Variants in HERC2 observed in about 807,000 individuals in gnomAD.
HERC2 encodes the protein HECT and RLD domain containing E3 ubiquitin protein ligase 2.
In HERC2, 102 loss-of-function variants were observed where a neutral mutation model predicts 537.7. That is an observed-to-expected ratio of 0.19 (90% CI 0.16 to 0.22). HERC2 has a LOEUF of 0.22. HERC2 is among the 10% of genes least tolerant of loss of function. HERC2 has a pLI of 1.00. For missense variants in HERC2, 4,236 were observed against 6,198.2 expected (o/e 0.68, Z 10.63); for synonymous variants, 2,224 against 2,466.2 (o/e 0.90, Z 2.91).
chr15:28,275,155 G>GT lies in HERC2; in HGVS notation c.543-151dup, dbSNP rs927244301. The stretch of plus-strand genomic sequence containing the variant: ...TCACAAGTGGATTTTTCGTTTTGTT[G>GT]TTTAACAACTTTCATCAAATGTCTT... On this transcript the variant is annotated intron_variant, in intron 5 of 92. Coordinates refer to ENST00000261609, the MANE Select transcript of HERC2 (RefSeq NM_004667.6). 7 of 481,254 alleles carry GT rather than the reference G, an allele frequency of 1.5e-5. No homozygotes were observed. In the Admixed American group the frequency reaches 2.4e-4, roughly 17 times the overall value. The allele number at this position is 481,254 out of a possible 1,614,324, so 29.8% of individuals were successfully genotyped here.
chr15:28,257,345 G>C (rs2075293542), intron 16 of HERC2, 84 bp from the exon 17 acceptor site: 2 of 1,157,378 alleles, frequency 1.7e-6, no homozygotes, highest in Non-Finnish European at 1.3e-6. Flanking sequence ...GTGTGTGATG[G>C]AGCTGCCTTA....
intron 37 of HERC2, 142 bp from the exon 38 acceptor site, chr15:28,218,813 T>C (rs1900210442): frequency 1.3e-6 from 1 of 747,622 alleles, no homozygotes; most frequent in Non-Finnish European, 2.3e-6. Flanking sequence ...TCACGCAAAA[T>C]TGAAAGTACA....
At chr15:28,155,264 C>T (rs914293889) in intron 69 of HERC2, among the ~76,000 whole-genome samples, 2 of 152,038 alleles carry the variant, frequency 1.3e-5, no homozygotes, top group Admixed American at 1.3e-4. Flanking sequence ...GATTTATAAT[C>T]CTTTGGGTAT....
chr15:28,252,935 T>C (rs990464237), intron 20 of HERC2, among the ~76,000 whole-genome samples: 15 of 152,196 alleles, frequency 9.9e-5, no homozygotes, highest in African/African-American at 3.6e-4. Context: ...AGACCCACCA[T>C]GGTCCCATGA....
At chr15:28,309,654 T>C (rs2076886793) in intron 2 of HERC2, among the ~76,000 whole-genome samples, 1 of 151,948 alleles carries the variant, frequency 6.6e-6, no homozygotes, top group African/African-American at 2.4e-5. Flanking sequence ...ATTCTACCAA[T>C]GAGGACCTGA....
At chr15:28,135,779 A>G in intron 78 of HERC2, 87 bp from the exon 79 acceptor site, 1 of 959,832 alleles carries the variant, frequency 1.0e-6, no homozygotes, top group Non-Finnish European at 1.6e-6. Context: ...TCCATGCTTT[A>G]GACATTTTTA....
Position 28,274,355 on chromosome 15 carries a change from C to T in HERC2, c.736G>A (p.Val246Met), listed in dbSNP as rs1170301654. The T allele has an allele frequency of 1.2e-5, 20 of 1,614,094 alleles. No homozygotes were observed. Among genetic ancestry groups the T allele is most frequent in the Admixed American group, 1.7e-5 (1 of 60,012 alleles). ...PEASLFDESTVSSVWLEVVER... is the reference protein window; with the variant it reads ...PEASLFDESTMSSVWLEVVER... ...ACCACCTCCAGCCACACAGAGGACA[C>T]GGTGCTCTCGTCAAAGAGCGAGGCC... is the stretch of plus-strand genomic sequence containing the variant. The change falls in exon 7 of 93, where the codon GTG becomes ATG. Residue 246 changes from valine (V) to methionine (M), a missense_variant. Transcript: ENST00000261609.
At chr15:28,239,447 C>T (rs1902821280) in intron 23 of HERC2, among the ~76,000 whole-genome samples, 1 of 150,838 alleles carries the variant, frequency 6.6e-6, no homozygotes, top group Admixed American at 6.6e-5. Context: ...AGGGAGGTGG[C>T]AGTTCAAGAA....
intron 2 of HERC2, among the ~76,000 whole-genome samples, chr15:28,306,214 A>G (rs140047493): frequency 0.012 from 1,882 of 152,058 alleles, no homozygotes; most frequent in African/African-American, 0.043. Flanking sequence ...TCAGCTGTAT[A>G]TGGCTTTTAT....
intron 2 of HERC2, among the ~76,000 whole-genome samples, chr15:28,303,615 A>G (rs1053980056): frequency 6.6e-6 from 1 of 152,058 alleles, no homozygotes; most frequent in African/African-American, 2.4e-5. Context: ...TAGGGATTAC[A>G]TTGAACCTGT....
At chr15:28,210,885 T>C in intron 44 of HERC2, 117 bp downstream of exon 44, 1 of 1,057,164 alleles carries the variant, frequency 9.5e-7, no homozygotes, top group Non-Finnish European at 1.5e-6. Flanking sequence ...AGGCCACATG[T>C]CTGTCTTGTA....
Position 28,111,953 on chromosome 15 carries a change from G to A in HERC2, c.14315C>T (p.Ser4772Phe). Residue 4772 changes from serine to phenylalanine, a missense_variant, in exon 93 of 93, where the codon TCC (serine) becomes TTC (phenylalanine). Physicochemically the swap from Ser to Phe is radical, Grantham distance 155 (BLOSUM62 -2). Transcript: ENST00000261609. ...CTTCTCCTCCAGCACCTGCTTGCAG[G>A]AATACCTGGGCAGCTTCAGCAAGAA... is the stretch of plus-strand genomic sequence containing the variant. Reference protein sequence around the residue: ...CFFLLKLPRYSCKQVLEEKLK... With the variant: ...CFFLLKLPRYFCKQVLEEKLK... 6.2e-7 allele frequency: 1 copy of A among 1,614,180 alleles called. No homozygotes were observed. The highest frequency in any genetic ancestry group is 8.5e-7 in the Non-Finnish European group (1 of 1,180,022).
chr15:28,320,392 G>A (rs2077199150), intron 2 of HERC2: 1 of 152,358 alleles, frequency 6.6e-6, no homozygotes, highest in Admixed American at 6.5e-5. Context: ...GGGATTACAG[G>A]CGTGAGCCAC....
intron 4 of HERC2, 142 bp downstream of exon 4, chr15:28,292,746 A>G: frequency 1.2e-6 from 1 of 812,528 alleles, no homozygotes; most frequent in Non-Finnish European, 2.0e-6. Context: ...GTTTTATGGT[A>G]TGTATATTTT....
rs2140151935 is a variant in HERC2, at chr15:28,176,323, A to G, written c.9686+105T>C. 1 of 972,550 alleles carries G rather than the reference A, an allele frequency of 1.0e-6. No homozygotes were observed. The highest frequency in any genetic ancestry group is 1.6e-5 in the African/African-American group (1 of 61,510). The allele number at this position is 972,550 out of a possible 1,614,324, so 60.2% of individuals were successfully genotyped here. On this transcript the variant is annotated intron_variant, in intron 63 of 92. Coordinates refer to ENST00000261609, the MANE Select transcript of HERC2 (RefSeq NM_004667.6). This position sits in a 1 kb window ranked among gnomAD's most constrained non-coding sequence, Gnocchi z 5.0. ...GACAAAGATGCATGCATAAGTAAAA[A>G]GAGGACACGTCACAATCACGCCGGG... is the stretch of plus-strand genomic sequence containing the variant.
chr15:28,121,124 T>G (rs1888838628), intron 86 of HERC2, among the ~76,000 whole-genome samples: 2 of 152,230 alleles, frequency 1.3e-5, no homozygotes, highest in South Asian at 4.1e-4. Flanking sequence ...TTGGACTATC[T>G]GACATAAATC....
intron 2 of HERC2, among the ~76,000 whole-genome samples, chr15:28,306,602 T>C (rs938818881): frequency 9.2e-5 from 14 of 152,214 alleles, no homozygotes; most frequent in African/African-American, 3.4e-4. Context: ...TTTGGATGTA[T>C]TCCCTCCTCC....
chr15:28,173,404 G>A (rs952903705), intron 65 of HERC2, among the ~76,000 whole-genome samples: 13 of 152,142 alleles, frequency 8.5e-5, no homozygotes, highest in African/African-American at 2.7e-4. Context: ...ATAAACTATC[G>A]ATACATGCAA....
Position 28,124,078 on chromosome 15 carries a change from C to A in HERC2, c.13147G>T (p.Gly4383Trp). The A allele has an allele frequency of 6.2e-7, 1 of 1,607,380 alleles. No individual in the cohort carries two copies. The highest frequency in any genetic ancestry group is 8.5e-7 in the Non-Finnish European group (1 of 1,176,738). ...LDETGLGPSVGFDTLRGILIS... is the reference protein window; with the variant it reads ...LDETGLGPSVWFDTLRGILIS... ...AGAATTCCTCGGAGAGTGTCGAACC[C>A]AACAGAAGGCCCGAGTCCAGTTTCG... is the stretch of plus-strand genomic sequence containing the variant. Residue 4383 changes from glycine (G) to tryptophan (W), a missense_variant, in exon 85 of 93, where the codon GGG becomes TGG. Physicochemically the swap from Gly to Trp is radical, Grantham distance 184. Transcript: ENST00000261609.
Sources: allele counts gnomAD v4.1 joint callset (sites outside exome capture counted in the v4.1 genomes callset), GRCh38; gene constraint gnomAD v4.1.1; non-coding constraint Gnocchi (gnomAD v3.1); transcripts MANE v1.5; gene names NCBI Gene and HGNC (gene_info 2026-07-23, HGNC 2026-07-21).